CSMD1: variants seen among roughly 807,000 people sequenced by gnomAD.
The protein encoded by CSMD1 is CUB and sushi domain-containing protein 1.
In CSMD1, 213 loss-of-function variants were observed where a neutral mutation model predicts 417.5. That is an observed-to-expected ratio of 0.51 (90% CI 0.46 to 0.57). The LOEUF is 0.57. Among genes scored for constraint, CSMD1 ranks in the 20% least tolerant of loss-of-function variants. The pLI is 0.00. For synonymous variants in CSMD1, 2,862 were observed against 1,736.8 expected (o/e 1.65, Z -16.11); for missense variants, 6,923 against 4,529.7 (o/e 1.53, Z -15.17).
intron 10 of CSMD1, among the ~76,000 whole-genome samples, chr8:3,514,228 G>A (rs1321832759): frequency 2.0e-5 from 3 of 152,054 alleles, no homozygotes; most frequent in Admixed American, 1.3e-4. Flanking sequence ...AATAAGACCG[G>A]CTTTCTTAGA....
intron 7 of CSMD1, chr8:3,704,776 G>A (rs1480828375): frequency 1.3e-5 from 2 of 152,156 alleles, no homozygotes. Context: ...CAAGTTTCCT[G>A]AGGCTGTCAG....
At chr8:3,153,584 T>G (rs141361684) in intron 39 of CSMD1, among the ~76,000 whole-genome samples, 1 of 152,208 alleles carries the variant, frequency 6.6e-6, no homozygotes, top group South Asian at 2.1e-4. Context: ...GTGGTATTAC[T>G]AAAAAGTTCC....
At chr8:4,990,268 G>C (rs531660593) in intron 1 of CSMD1, among the ~76,000 whole-genome samples, 2 of 152,278 alleles carry the variant, frequency 1.3e-5, no homozygotes, top group South Asian at 4.1e-4. Flanking sequence ...GTTCTGATTT[G>C]AAGTCATAGT....
chr8:3,835,260 C>T (rs567323161), intron 5 of CSMD1, among the ~76,000 whole-genome samples: 2 of 151,950 alleles, frequency 1.3e-5, no homozygotes, highest in East Asian at 3.9e-4. Context: ...TATAAAGACA[C>T]ATGCACACAT....
At chr8:4,055,895 T>C (rs999585477) in intron 3 of CSMD1, among the ~76,000 whole-genome samples, 1 of 152,032 alleles carries the variant, frequency 6.6e-6, no homozygotes. Flanking sequence ...TACATACAAA[T>C]GATGAGTCAT....
chr8:3,985,938 T>TC (rs1814290696), intron 5 of CSMD1, among the ~76,000 whole-genome samples: 1 of 151,386 alleles, frequency 6.6e-6, no homozygotes, highest in Non-Finnish European at 1.5e-5. Flanking sequence ...ACTCAATTTT[T>TC]TTTTCTAATT....
intron 7 of CSMD1, among the ~76,000 whole-genome samples, chr8:3,635,461 G>A (rs890505232): frequency 6.6e-6 from 1 of 150,992 alleles, no homozygotes; most frequent in South Asian, 2.1e-4. Context: ...TCCAGCCTGG[G>A]CAATGGAGCA....
chr8:3,294,095 G>A (rs533675658), intron 25 of CSMD1, among the ~76,000 whole-genome samples: 22 of 152,258 alleles, frequency 1.4e-4, no homozygotes, highest in East Asian at 5.8e-4. Flanking sequence ...GGTGCACTCC[G>A]GACCCTGTTT....
At chr8:3,089,458 C>G (rs1814778633) in intron 48 of CSMD1, among the ~76,000 whole-genome samples, 2 of 152,176 alleles carry the variant, frequency 1.3e-5, no homozygotes, top group Non-Finnish European at 2.9e-5. Flanking sequence ...ACTCGGATTT[C>G]CAATTATGAT....
At chr8:4,772,275 A>T (rs12678308) in intron 1 of CSMD1, among the ~76,000 whole-genome samples, 74,312 of 151,956 alleles carry the variant, frequency 0.49, 18,446 homozygotes, top group Admixed American at 0.62. Flanking sequence ...GCAACAGTGA[A>T]CCAGTCCTTT....
intron 10 of CSMD1, among the ~76,000 whole-genome samples, chr8:3,542,005 C>T (rs887380020): frequency 1.1e-4 from 17 of 150,826 alleles, no homozygotes; most frequent in Non-Finnish European, 1.6e-4. Context: ...AACAGGGACT[C>T]CATTTCGAAA....
intron 3 of CSMD1, among the ~76,000 whole-genome samples, chr8:4,241,656 T>G (rs984339564): frequency 6.6e-6 from 1 of 152,094 alleles, no homozygotes. Context: ...TCATTACAAA[T>G]GGTATTTCTT....
intron 3 of CSMD1, among the ~76,000 whole-genome samples, chr8:4,391,903 G>A (rs755351626): frequency 6.6e-6 from 1 of 152,182 alleles, no homozygotes; most frequent in African/African-American, 2.4e-5. Flanking sequence ...CTTCTTTTCA[G>A]ATGTCTTAGA....
At chr8:4,100,946 G>A (rs1014683564) in intron 3 of CSMD1, among the ~76,000 whole-genome samples, 3 of 152,188 alleles carry the variant, frequency 2.0e-5, no homozygotes, top group Middle Eastern at 3.2e-3. Flanking sequence ...AGAACCCAGA[G>A]TATTGTCTGT....
chr8:4,412,938 G>GAA lies in CSMD1; in HGVS notation c.415+7014_415+7015insTT, dbSNP rs1357953141. Among the ~76,000 whole-genome samples, 329 of 152,250 alleles carry GAA rather than the reference G, an allele frequency of 2.2e-3. 2 individuals carry two copies. Among genetic ancestry groups the GAA allele is most frequent in the African/African-American group, 7.8e-3 (322 of 41,548 alleles). ...AGATAAAAGAAAAGTTGACGCCTCA[G>GAA]GTTAACAGAACTTGTATCATCAATG... On this transcript the variant is annotated intron_variant, in intron 3 of 69. Coordinates refer to ENST00000635120, the MANE Select transcript of CSMD1 (RefSeq NM_033225.6).
chr8:4,604,261 A>C (rs1800747659), intron 2 of CSMD1, among the ~76,000 whole-genome samples: 1 of 151,970 alleles, frequency 6.6e-6, no homozygotes, highest in Non-Finnish European at 1.5e-5. Flanking sequence ...TAAATAGTAC[A>C]AATAAAGGTA....
intron 12 of CSMD1, among the ~76,000 whole-genome samples, chr8:3,453,048 G>C (rs1042720298): frequency 1.3e-5 from 2 of 152,212 alleles, no homozygotes; most frequent in African/African-American, 2.4e-5. Context: ...AGTCTTGGGA[G>C]AGTGTATGTG....
intron 3 of CSMD1, among the ~76,000 whole-genome samples, chr8:4,401,735 A>C (rs906291643): frequency 6.6e-6 from 1 of 151,936 alleles, no homozygotes; most frequent in African/African-American, 2.4e-5. Flanking sequence ...TTAACATTCC[A>C]CCTGAAGCTG....
chr8:4,776,495 A>G (rs1055946299), intron 1 of CSMD1, among the ~76,000 whole-genome samples: 1 of 152,138 alleles, frequency 6.6e-6, no homozygotes, highest in Admixed American at 6.6e-5. Context: ...GTGGTTAGGA[A>G]CCAACAGCGT....
Sources: allele counts gnomAD v4.1 joint callset (sites outside exome capture counted in the v4.1 genomes callset), GRCh38; gene constraint gnomAD v4.1.1; transcripts MANE v1.5; gene names NCBI Gene and HGNC (gene_info 2026-07-23, HGNC 2026-07-21).